FKBP5: variants seen among roughly 807,000 people sequenced by gnomAD.
FKBP5 encodes peptidyl-prolyl cis-trans isomerase FKBP5.
A neutral mutation model predicts 50.5 loss-of-function variants in FKBP5; 23 were observed. The observed-to-expected ratio is 0.46, with a 90% CI of 0.33 to 0.65. The LOEUF is 0.65. FKBP5 is among the 30% of genes least tolerant of loss of function. The probability of loss-of-function intolerance (pLI) is 0.02; values close to 1 mark genes in which losing one functional copy is unlikely to be tolerated. For missense variants in FKBP5, 411 were observed against 553.1 expected (o/e 0.74, Z 2.58); for synonymous variants, 176 against 190.6 (o/e 0.92, Z 0.63).
intron 1 of FKBP5, among the ~76,000 whole-genome samples, chr6:35,663,917 AG>A (rs1765144294): frequency 6.6e-6 from 1 of 152,206 alleles, no homozygotes; most frequent in African/African-American, 2.4e-5. Context: ...TGTGACATTG[AG>A]ATTGTTACTA....
At chr6:35,616,999 C>G (rs974678908) in intron 5 of FKBP5, among the ~76,000 whole-genome samples, 1 of 151,672 alleles carries the variant, frequency 6.6e-6, no homozygotes, top group African/African-American at 2.4e-5. Context: ...AAGCTTGCCT[C>G]ACTGCATAGG....
At chr6:35,671,235 G>C (rs1765378440) in intron 1 of FKBP5, among the ~76,000 whole-genome samples, 1 of 151,170 alleles carries the variant, frequency 6.6e-6, no homozygotes, top group Admixed American at 6.6e-5. Context: ...CTGCACTCCA[G>C]CCTGGGTAAG....
intron 2 of FKBP5, among the ~76,000 whole-genome samples, chr6:35,699,393 A>G (rs373185300): frequency 6.6e-6 from 1 of 152,234 alleles, no homozygotes; most frequent in Non-Finnish European, 1.5e-5. Flanking sequence ...AGCCCAGTCC[A>G]GGTTCAAGGG....
At chr6:35,583,537 T>C in intron 8 of FKBP5, 1 of 985,324 alleles carries the variant, frequency 1.0e-6, no homozygotes, top group South Asian at 4.7e-5. Flanking sequence ...TTGTACTCCC[T>C]GCTTCTGAGG....
At chr6:35,578,874 T>TA (rs973902206) in intron 9 of FKBP5, among the ~76,000 whole-genome samples, 42 of 151,384 alleles carry the variant, frequency 2.8e-4, no homozygotes, top group African/African-American at 9.7e-4. Context: ...GACAGAAAAA[T>TA]AATGTAGTCA....
intron 1 of FKBP5, among the ~76,000 whole-genome samples, chr6:35,682,981 G>A (rs1025688337): frequency 2.7e-5 from 4 of 149,296 alleles, no homozygotes; most frequent in Admixed American, 6.7e-5. Context: ...AAAAACATAC[G>A]TCAATCTCTT....
chr6:35,709,905 G>T lies in FKBP5; in HGVS notation c.-20+10423C>A, dbSNP rs151077226. The stretch of plus-strand genomic sequence containing the variant: ...AAAAAAAAACAGACAAGAGATGTTT[G>T]TTCATGGAGCTGATGTTCTCACGGG... On this transcript the variant is annotated intron_variant, in intron 2 of 11. Transcript: ENST00000536438. 5.6e-3 allele frequency among the ~76,000 whole-genome samples: 851 copies of T among 151,280 alleles called. 9 individuals carry two copies. Among genetic ancestry groups the T allele is most frequent in the African/African-American group, 0.019 (784 of 41,250 alleles).
intron 2 of FKBP5, among the ~76,000 whole-genome samples, chr6:35,641,939 G>A (rs1764503483): frequency 6.6e-6 from 1 of 151,660 alleles, no homozygotes. Context: ...GTTGCAGTGA[G>A]CTGAGATCAT....
chr6:35,590,536 G>C (rs1002683850), intron 7 of FKBP5, among the ~76,000 whole-genome samples: 2 of 152,084 alleles, frequency 1.3e-5, no homozygotes, highest in Admixed American at 6.6e-5. Context: ...GAGGCATGCT[G>C]TTTCTGGAAT....
intron 2 of FKBP5, among the ~76,000 whole-genome samples, chr6:35,710,307 G>T (rs1179280262): frequency 6.6e-6 from 1 of 152,040 alleles, no homozygotes; most frequent in Non-Finnish European, 1.5e-5. Context: ...AGGAAACCCA[G>T]TCTCTACAAA....
At chr6:35,600,582 A>G (rs1205700630) in intron 5 of FKBP5, among the ~76,000 whole-genome samples, 1 of 151,808 alleles carries the variant, frequency 6.6e-6, no homozygotes, top group African/African-American at 2.4e-5. Context: ...TAAATTTCTC[A>G]TGTATTGTGG....
intron 2 of FKBP5, among the ~76,000 whole-genome samples, chr6:35,698,488 A>G (rs1366308686): frequency 1.3e-5 from 2 of 151,206 alleles, no homozygotes; most frequent in East Asian, 3.9e-4. Context: ...CTCTACTAAA[A>G]ATGCAAAAAT....
intron 5 of FKBP5, among the ~76,000 whole-genome samples, chr6:35,612,696 A>G (rs536661015): frequency 6.0e-4 from 92 of 152,356 alleles, no homozygotes; most frequent in African/African-American, 2.2e-3. Flanking sequence ...ACATGGCGGC[A>G]GAAGAGGGAA....
chr6:35,615,060 G>C (rs1763602276), intron 5 of FKBP5, among the ~76,000 whole-genome samples: 1 of 151,736 alleles, frequency 6.6e-6, no homozygotes, highest in Non-Finnish European at 1.5e-5. Context: ...GGAGGCGGAA[G>C]TTGCAGCGAG....
intron 3 of FKBP5, among the ~76,000 whole-genome samples, chr6:35,630,290 CT>C (rs1252168928): frequency 6.6e-6 from 1 of 152,136 alleles, no homozygotes; most frequent in Non-Finnish European, 1.5e-5. Context: ...TGGCTCACCC[CT>C]GTAATACCAG....
At chr6:35,590,761 C>T (rs1315682911) in intron 7 of FKBP5, among the ~76,000 whole-genome samples, 2 of 151,930 alleles carry the variant, frequency 1.3e-5, no homozygotes, top group Non-Finnish European at 2.9e-5. Context: ...AGCTGCACCC[C>T]ACTCCCCCAA....
chr6:35,685,866 C>T (rs1006829714), intron 1 of FKBP5, among the ~76,000 whole-genome samples: 1 of 151,300 alleles, frequency 6.6e-6, no homozygotes, highest in East Asian at 2.0e-4. Context: ...CCTGTAGTGT[C>T]AGCTACTCAG....
In FKBP5 at chr6:35,623,586, A is replaced by T. The variant is rs539643302; in HGVS notation, c.251-3312T>A. On this transcript the variant is annotated intron_variant, in intron 3 of 10. Coordinates refer to ENST00000357266, the MANE Select transcript of FKBP5 (RefSeq NM_004117.4). ...TGGCTACATCACTTTTTTTTTTTTT[A>T]AGAGACAGGGTCTTGCTCTGTCACA... Among the ~76,000 whole-genome samples the T allele has an allele frequency of 1.2e-4, 18 of 150,074 alleles. No individual in the cohort carries two copies. The East Asian group carries it at 3.5e-3, about 29-fold the overall frequency.
intron 5 of FKBP5, among the ~76,000 whole-genome samples, chr6:35,602,495 C>T (rs1400835596): frequency 1.3e-5 from 2 of 152,040 alleles, no homozygotes; most frequent in African/African-American, 4.8e-5. Context: ...TGACAGGTTA[C>T]TCCCACTGAG....
Sources: gnomAD v4.1 joint callset for allele counts (sites outside exome capture counted in the v4.1 genomes callset) on GRCh38, gnomAD v4.1.1 for gene constraint, MANE v1.5 for transcripts, NCBI Gene and HGNC (gene_info 2026-07-23, HGNC 2026-07-21) for gene names.